OTUD7B: variants seen among roughly 807,000 people sequenced by gnomAD.
OTUD7B encodes OTU domain-containing protein 7B.
OTUD7B carries 34 observed loss-of-function variants against 82.2 expected under a neutral mutation model. The observed-to-expected ratio is 0.41, with a 90% CI of 0.31 to 0.55. OTUD7B has a LOEUF of 0.55. Among genes scored for constraint, OTUD7B ranks in the 20% least tolerant of loss-of-function variants. The pLI, the probability that OTUD7B is intolerant of heterozygous loss-of-function variation, is 0.20. For missense variants in OTUD7B, 944 were observed against 1,062.1 expected, an observed-to-expected ratio of 0.89 and a Z score of 1.55; for synonymous variants, 398 against 402.7, an observed-to-expected ratio of 0.99 and a Z score of 0.14.
the OTUD7B span, among the ~76,000 whole-genome samples, chr1:150,033,768 C>CT: frequency 6.6e-6 from 1 of 152,144 alleles, no homozygotes; most frequent in Non-Finnish European, 1.5e-5. Flanking sequence ...TGTCACCAGA[C>CT]TGGAGTATAG....
At chr1:150,030,836 A>G in the OTUD7B span, among the ~76,000 whole-genome samples, 1 of 152,264 alleles carries the variant, frequency 6.6e-6, no homozygotes, top group East Asian at 1.9e-4. Flanking sequence ...GTCATTGAAT[A>G]TAGCTTTGAA....
the OTUD7B span, among the ~76,000 whole-genome samples, chr1:150,046,307 C>T: frequency 6.6e-6 from 1 of 152,166 alleles, no homozygotes; most frequent in African/African-American, 2.4e-5. Context: ...CTCCATCTCC[C>T]TGGCTAAAAC....
Position 149,971,121 on chromosome 1 carries a change from G to A in OTUD7B, c.216C>T (p.Asp72=), listed in dbSNP as rs1553777540. ...GSRTPEKGFS[D]REPTRPPRPI... ...GTCGGGGAGGGCGAGTAGGCTCTCT[G>A]TCAGAAAACCCTTTTTCAGGGGTCC... The change falls in exon 3 of 12, where the codon GAC becomes GAT. Residue 72 remains aspartate, a synonymous_variant. Coordinates refer to ENST00000581312, the MANE Select transcript of OTUD7B (RefSeq NM_020205.4). 1 of 1,613,554 alleles carries A rather than the reference G, an allele frequency of 6.2e-7. No homozygotes were observed. Among genetic ancestry groups the A allele is most frequent in the Admixed American group, 1.7e-5 (1 of 60,008 alleles).
chr1:150,062,701 C>CTTT, the OTUD7B span, among the ~76,000 whole-genome samples: 1 of 118,480 alleles, frequency 8.4e-6, no homozygotes, highest in Non-Finnish European at 1.7e-5. Context: ...TCTTTTTCTT[C>CTTT]TTCTTTCTTT....
At position 149,958,556 on chromosome 1, in the gene OTUD7B, C is replaced by T. The variant is rs1321331826; in HGVS notation, c.845+1128G>A. ...ATTGGCCAGGCTGGTCTCGAATTCCCGCCCACCTCGGCCTCCCAAAGTTCT... is the reference window on the plus strand; with the variant it reads ...ATTGGCCAGGCTGGTCTCGAATTCCTGCCCACCTCGGCCTCCCAAAGTTCT... On this transcript the variant is annotated intron_variant, in intron 7 of 11. Coordinates refer to ENST00000581312, the MANE Select transcript of OTUD7B (RefSeq NM_020205.4). Among the ~76,000 whole-genome samples the T allele has an allele frequency of 4.0e-5, 6 of 151,818 alleles. 1 individual carries two copies. The highest frequency in any genetic ancestry group is 9.7e-5 in the African/African-American group (4 of 41,390).
chr1:149,949,505 A>G, intron 9 of OTUD7B, 124 bp downstream of exon 9: 1 of 1,051,828 alleles, frequency 9.5e-7, no homozygotes, highest in Non-Finnish European at 1.4e-6. Flanking sequence ...TTCTGGCTTA[A>G]TAAAACAGTA....
chr1:149,979,143 G>A (rs587604664), intron 1 of OTUD7B, among the ~76,000 whole-genome samples: 1 of 152,066 alleles, frequency 6.6e-6, no homozygotes, highest in Non-Finnish European at 1.5e-5. Flanking sequence ...AACATCTAGT[G>A]TAGCATCTAT....
At chr1:150,051,274 G>A in the OTUD7B span, among the ~76,000 whole-genome samples, 1 of 142,110 alleles carries the variant, frequency 7.0e-6, no homozygotes, top group Non-Finnish European at 1.5e-5. Flanking sequence ...CATGTCATTT[G>A]TTACAAGAGC....
At chr1:150,049,663 G>A in the OTUD7B span, among the ~76,000 whole-genome samples, 1 of 109,192 alleles carries the variant, frequency 9.2e-6, no homozygotes, top group African/African-American at 3.6e-5. Context: ...GAGACAGGCT[G>A]ATTACAGGCT....
In OTUD7B at chr1:149,944,434, A is replaced by T; in HGVS notation, c.1955T>A (p.Ile652Asn). 2 of 1,613,982 alleles carry T rather than the reference A, an allele frequency of 1.2e-6. No individual in the cohort carries two copies. The highest frequency in any genetic ancestry group is 1.7e-6 in the Non-Finnish European group (2 of 1,179,984). ...GCCACCCCCTATTCCTCCATTCATG[A>T]TCTTCCTCTCTGCCTCCTTCTGCTT... ...EQKQKEAERK[I>N]MNGGIGGGPP... The change falls in exon 12 of 12, where the codon ATC (isoleucine) becomes AAC (asparagine). Residue 652 changes from isoleucine to asparagine, a missense_variant. By Grantham distance (149) the Ile-to-Asn change is moderately radical (BLOSUM62 -3). Transcript: ENST00000581312.
At chr1:149,970,370 G>A (rs1649832560) in intron 3 of OTUD7B, among the ~76,000 whole-genome samples, 1 of 148,180 alleles carries the variant, frequency 6.7e-6, no homozygotes, top group Non-Finnish European at 1.5e-5. Flanking sequence ...CCAGGCTGGA[G>A]TGCAGTGGTG....
At chr1:150,004,123 C>A (rs782557937) in intron 1 of OTUD7B, among the ~76,000 whole-genome samples, 18 of 152,212 alleles carry the variant, frequency 1.2e-4, no homozygotes, top group Non-Finnish European at 2.1e-4. Context: ...TTCACTCTTT[C>A]CTCTCCTTAG....
the OTUD7B span, among the ~76,000 whole-genome samples, chr1:150,056,631 A>C: frequency 2.0e-5 from 3 of 152,046 alleles, no homozygotes; most frequent in African/African-American, 4.8e-5. Context: ...GTACACACAG[A>C]ATCAAATCCA....
At chr1:149,951,908 CAG>C (rs1553773548) in intron 7 of OTUD7B, among the ~76,000 whole-genome samples, 1 of 147,184 alleles carries the variant, frequency 6.8e-6, no homozygotes, top group South Asian at 2.1e-4. Context: ...TTTTTTTAAA[CAG>C]AAAGTTTATT....
intron 1 of OTUD7B, among the ~76,000 whole-genome samples, chr1:149,985,606 G>T (rs12070403): frequency 0.012 from 1,866 of 152,012 alleles, 45 homozygotes; most frequent in African/African-American, 0.043. Flanking sequence ...TAATTAGTCG[G>T]GTGTGGAGGT....
chr1:149,985,595 T>G (rs1651075401), intron 1 of OTUD7B, among the ~76,000 whole-genome samples: 1 of 151,384 alleles, frequency 6.6e-6, no homozygotes, highest in African/African-American at 2.4e-5. Context: ...ATTAATTAAT[T>G]TAATTAGTCG....
chr1:149,962,606 A>G (rs1418544152), intron 6 of OTUD7B: 2 of 152,184 alleles, frequency 1.3e-5, no homozygotes, highest in African/African-American at 4.8e-5. Context: ...GAACGTGGGT[A>G]TTTCTGGGTT....
At chr1:149,988,383 T>G (rs1651339868) in intron 1 of OTUD7B, among the ~76,000 whole-genome samples, 1 of 152,156 alleles carries the variant, frequency 6.6e-6, no homozygotes, top group Non-Finnish European at 1.5e-5. Flanking sequence ...AATTTCTAGT[T>G]TTGTATCAGG....
At chr1:149,983,005 C>CCA (rs1559854451) in intron 1 of OTUD7B, among the ~76,000 whole-genome samples, 1 of 152,060 alleles carries the variant, frequency 6.6e-6, no homozygotes, top group East Asian at 1.9e-4. Context: ...CAGGCGCCTG[C>CCA]CACCACACCC....
Sources: gnomAD v4.1 joint callset for allele counts (sites outside exome capture counted in the v4.1 genomes callset) on GRCh38, gnomAD v4.1.1 for gene constraint, MANE v1.5 for transcripts, NCBI Gene and HGNC (gene_info 2026-07-23, HGNC 2026-07-21) for gene names.